The following TRPM6 variants were observed in gnomAD, a reference collection of about 807,000 sequenced individuals.
The protein encoded by TRPM6 is transient receptor potential cation channel subfamily M member 6, also known as channel kinase 2.
Under a neutral mutation model 247.6 loss-of-function variants are expected in TRPM6, and 111 were observed. The observed-to-expected ratio is 0.45, with a 90% CI of 0.38 to 0.52. TRPM6 has a LOEUF of 0.52. TRPM6 is among the 20% of genes least tolerant of loss of function. The pLI, the probability that TRPM6 is intolerant of heterozygous loss-of-function variation, is 0.00. For missense variants in TRPM6, 2,126 were observed against 2,421.5 expected (o/e 0.88, Z 2.56); for synonymous variants, 892 against 853.8 (o/e 1.04, Z -0.78).
intron 19 of TRPM6, among the ~76,000 whole-genome samples, chr9:74,790,491 T>G (rs1827863447): frequency 6.6e-6 from 1 of 152,204 alleles, no homozygotes; most frequent in African/African-American, 2.4e-5. Context: ...ATATATTTTA[T>G]TATTTGTATT....
chr9:74,757,062 C>T (rs187352561), intron 27 of TRPM6, among the ~76,000 whole-genome samples: 4 of 151,782 alleles, frequency 2.6e-5, no homozygotes, highest in African/African-American at 9.7e-5. Flanking sequence ...CCTATAGTCC[C>T]AGCTACTTGG....
Position 74,869,540 on chromosome 9 carries a change from T to A in TRPM6, c.34-10792A>T, listed in dbSNP as rs528882217. ...GTAGTCTGTCGTATCTGCCAAAGGCTGGGAGGGCTAAATGTCTTAGGTGCT... is the reference window on the plus strand; with the variant it reads ...GTAGTCTGTCGTATCTGCCAAAGGCAGGGAGGGCTAAATGTCTTAGGTGCT... On this transcript the variant is annotated intron_variant, in intron 1 of 38. Transcript: ENST00000360774. Among the ~76,000 whole-genome samples, 16 of 151,838 alleles carry A rather than the reference T, an allele frequency of 1.1e-4. No homozygotes were observed. In the South Asian group the frequency reaches 3.3e-3, roughly 32 times the overall value.
intron 1 of TRPM6, among the ~76,000 whole-genome samples, chr9:74,871,752 C>T (rs567528637): frequency 6.6e-6 from 1 of 152,080 alleles, no homozygotes; most frequent in Non-Finnish European, 1.5e-5. Context: ...ACTATATTGC[C>T]CAGGTTGGCC....
At chr9:74,853,528 C>A (rs1228732329) in intron 3 of TRPM6, among the ~76,000 whole-genome samples, 1 of 152,170 alleles carries the variant, frequency 6.6e-6, no homozygotes, top group Non-Finnish European at 1.5e-5. Flanking sequence ...AATTCTTCTG[C>A]CTTGGGATGC....
At position 74,802,065 on chromosome 9, in the gene TRPM6, C is replaced by T. The variant is rs756376587; in HGVS notation, c.1842G>A (p.Trp614Ter). 1 of 1,614,138 alleles carries T rather than the reference C, an allele frequency of 6.2e-7. No homozygotes were observed. The highest frequency in any genetic ancestry group is 1.1e-5 in the South Asian group (1 of 91,074). ...TCTTCTGCCTTTTCATCAGCACAGC[C>T]CAAACCAGCAGGTCATTGTAAGGGT... ...FLYPYNDLLV[W>*]AVLMKRQKMA... is the part of the protein sequence containing the mutation. The change falls in exon 16 of 39, where the codon TGG becomes TGA. Residue 614 changes from tryptophan to a stop codon, truncating the protein, a stop_gained. Transcript: ENST00000360774. LOFTEE classifies it high-confidence loss of function.
chr9:74,729,942 A>G (rs1011165597), intron 37 of TRPM6, among the ~76,000 whole-genome samples: 2 of 152,192 alleles, frequency 1.3e-5, no homozygotes, highest in African/African-American at 4.8e-5. Flanking sequence ...ATTTCCCTCT[A>G]TGAGCTTTGG....
At chr9:74,872,606 G>GTGTGTGTT (rs1206699064) in intron 1 of TRPM6, among the ~76,000 whole-genome samples, 4 of 151,234 alleles carry the variant, frequency 2.6e-5, no homozygotes, top group East Asian at 1.9e-4. Flanking sequence ...AATTTTGTGT[G>GTGTGTGTT]TGTGTGTGTG....
chr9:74,748,040 A>G lies in TRPM6; in HGVS notation c.5058-126T>C, dbSNP rs1009165221. 3.4e-5 allele frequency: 29 copies of G among 861,318 alleles called. No individual in the cohort carries two copies. In the African/African-American group the frequency reaches 4.4e-4, roughly 13 times the overall value. 53.4% of individuals were successfully genotyped at this position (861,318 alleles called of 1,614,324 possible). A position where few individuals can be genotyped will look rare whatever the true frequency, so the allele number is the denominator to read the frequency against. ...TATATTTTATATACATGTGAAATAC[A>G]TATACAGTCATGTACTGCCTAATGA... On this transcript the variant is annotated intron_variant, in intron 30 of 38. Coordinates refer to ENST00000360774, the MANE Select transcript of TRPM6 (RefSeq NM_017662.5).
intron 21 of TRPM6, among the ~76,000 whole-genome samples, chr9:74,783,985 G>A (rs1337454713): frequency 6.6e-6 from 1 of 152,198 alleles, no homozygotes; most frequent in Non-Finnish European, 1.5e-5. Flanking sequence ...GCCGGGCTCA[G>A]TAGCTCACGC....
At chr9:74,825,997 T>G (rs1829316968) in intron 7 of TRPM6, among the ~76,000 whole-genome samples, 1 of 151,890 alleles carries the variant, frequency 6.6e-6, no homozygotes, top group African/African-American at 2.4e-5. Flanking sequence ...AGCCTCAGAA[T>G]CCTTATTCAC....
intron 14 of TRPM6, among the ~76,000 whole-genome samples, chr9:74,806,245 G>GA (rs35792617): frequency 8.7e-5 from 13 of 149,340 alleles, no homozygotes; most frequent in African/African-American, 2.0e-4. Context: ...ATACAACTGA[G>GA]AAAAAAAAAC....
intron 16 of TRPM6, among the ~76,000 whole-genome samples, chr9:74,800,911 T>G (rs556004227): frequency 0.011 from 1,615 of 151,438 alleles, 20 homozygotes; most frequent in Middle Eastern, 0.034. Context: ...TGTGTTTTTT[T>G]TTTTTTTTTT....
At chr9:74,813,322 G>A (rs1007732151) in intron 11 of TRPM6, among the ~76,000 whole-genome samples, 1 of 152,248 alleles carries the variant, frequency 6.6e-6, no homozygotes, top group Non-Finnish European at 1.5e-5. Context: ...TGACTGAGCA[G>A]TCACCAGAAA....
At chr9:74,887,789 CCTTGTT>C in intron 1 of TRPM6, 29 bp downstream of exon 1, 1 of 1,614,152 alleles carries the variant, frequency 6.2e-7, no homozygotes, top group Non-Finnish European at 8.5e-7. Flanking sequence ...CGCCTAAGGT[CCTTGTT>C]CCCCGCCAGT....
chr9:74,887,599 T>C (rs1050206685), intron 1 of TRPM6: 46 of 1,529,434 alleles, frequency 3.0e-5, no homozygotes, highest in Non-Finnish European at 3.7e-5. Flanking sequence ...AAACGGGGGC[T>C]GCGGGACCTG....
chr9:74,744,910 G>A (rs915535538), intron 31 of TRPM6, among the ~76,000 whole-genome samples: 8 of 152,188 alleles, frequency 5.3e-5, no homozygotes, highest in East Asian at 1.9e-4. Flanking sequence ...GGAAAGGAAC[G>A]AGAATCACTT....
At chr9:74,763,786 T>C (rs1243236489) in intron 25 of TRPM6, among the ~76,000 whole-genome samples, 2 of 152,218 alleles carry the variant, frequency 1.3e-5, no homozygotes, top group African/African-American at 4.8e-5. Context: ...TGTTCAGTCA[T>C]TGATTCATGT....
intron 3 of TRPM6, among the ~76,000 whole-genome samples, chr9:74,852,320 T>G (rs559576952): frequency 1.2e-4 from 18 of 151,838 alleles, no homozygotes; most frequent in African/African-American, 3.4e-4. Flanking sequence ...ATCTCCTGAG[T>G]AGCTAGGACT....
chr9:74,768,582 C>G (rs1826906650), intron 25 of TRPM6, among the ~76,000 whole-genome samples: 1 of 152,204 alleles, frequency 6.6e-6, no homozygotes, highest in South Asian at 2.1e-4. Context: ...CTGATTACCC[C>G]ACTCTTTTCT....
Sources: allele counts gnomAD v4.1 joint callset (sites outside exome capture counted in the v4.1 genomes callset), GRCh38; gene constraint gnomAD v4.1.1; transcripts MANE v1.5; gene names NCBI Gene and HGNC (gene_info 2026-07-23, HGNC 2026-07-21).